Variants in CCDC197 observed in about 807,000 individuals in gnomAD.
The protein encoded by CCDC197 is coiled-coil domain containing 197.
In CCDC197, 24 loss-of-function variants were observed where a neutral mutation model predicts 13.4. The observed-to-expected ratio is 1.80, with a 90% confidence interval of 1.30 to 2.53. The LOEUF (loss-of-function observed/expected upper bound fraction) is 2.53. Ranked by LOEUF, CCDC197 falls within the 30% of genes most tolerant of loss-of-function variation. CCDC197 has a pLI of 0.00. For missense variants in CCDC197, 255 were observed against 148.8 expected, an observed-to-expected ratio of 1.71 and a Z score of -3.71; for synonymous variants, 99 against 55.5, an observed-to-expected ratio of 1.78 and a Z score of -3.48.
chr14:93,993,627 A>G (rs1890241857), upstream of CCDC197, among the ~76,000 whole-genome samples: 1 of 152,212 alleles, frequency 6.6e-6, no homozygotes, highest in East Asian at 1.9e-4. Context: ...TGTAGAGCAG[A>G]TGGGGTGAAT....
intron 4 of CCDC197, 37 bp downstream of exon 4, chr14:94,001,360 C>T: frequency 1.4e-6 from 1 of 711,336 alleles, no homozygotes; most frequent in Non-Finnish European, 2.6e-6. Context: ...TTCCCCGTGG[C>T]CCAGGGAGCT....
intron 1 of CCDC197, among the ~76,000 whole-genome samples, chr14:93,990,386 C>T (rs968704233): frequency 4.6e-5 from 7 of 152,158 alleles, no homozygotes; most frequent in South Asian, 2.1e-4. Flanking sequence ...CCTCGTTAGC[C>T]GTGTTCTCCT....
At chr14:93,991,160 G>A (rs867561410) in intron 1 of CCDC197, among the ~76,000 whole-genome samples, 1 of 152,196 alleles carries the variant, frequency 6.6e-6, no homozygotes, top group Non-Finnish European at 1.5e-5. Context: ...AGGGGACACC[G>A]GAAGAAACTT....
chr14:94,008,068 G>A (rs1319916305), intron 6 of CCDC197, among the ~76,000 whole-genome samples: 1 of 152,152 alleles, frequency 6.6e-6, no homozygotes, highest in East Asian at 1.9e-4. Context: ...TGTCTAAATA[G>A]TCACAGTGTA....
At chr14:93,997,021 C>G (rs1890335942), upstream of CCDC197, among the ~76,000 whole-genome samples, 1 of 152,214 alleles carries the variant, frequency 6.6e-6, no homozygotes. Context: ...AGGGAGAGTC[C>G]CGGGACAGGT....
upstream of CCDC197, among the ~76,000 whole-genome samples, chr14:93,992,617 G>A (rs1369022027): frequency 1.3e-5 from 2 of 152,196 alleles, no homozygotes; most frequent in African/African-American, 4.8e-5. Flanking sequence ...TTCCAGGGAG[G>A]TGAGGGGTGG....
At chr14:93,996,098 G>A (rs1890291325), upstream of CCDC197, among the ~76,000 whole-genome samples, 1 of 152,098 alleles carries the variant, frequency 6.6e-6, no homozygotes, top group Admixed American at 6.5e-5. Context: ...CTGACTCTGG[G>A]GGACTCCCCC....
chr14:93,992,757 C>T (rs558782302), upstream of CCDC197, among the ~76,000 whole-genome samples: 15 of 152,240 alleles, frequency 9.9e-5, no homozygotes, highest in Non-Finnish European at 2.1e-4. Context: ...GACAGCCTTA[C>T]AGTGTCCTAG....
chr14:93,994,897 C>T (rs1890255817), upstream of CCDC197, among the ~76,000 whole-genome samples: 1 of 152,168 alleles, frequency 6.6e-6, no homozygotes, highest in South Asian at 2.1e-4. Flanking sequence ...TGTGGGACCC[C>T]CTATCCATCA....
intron 3 of CCDC197, among the ~76,000 whole-genome samples, chr14:94,000,152 G>C (rs1265398309): frequency 6.6e-6 from 1 of 152,086 alleles, no homozygotes; most frequent in Non-Finnish European, 1.5e-5. Context: ...AAAAGGGAAG[G>C]GGAGTCACAC....
chr14:93,999,470 C>T (rs1023863908), intron 2 of CCDC197, 113 bp from the exon 3 acceptor site: 10 of 701,826 alleles, frequency 1.4e-5, no homozygotes, highest in African/African-American at 5.3e-5. Flanking sequence ...GGTACGTGGC[C>T]GGCCCAGTGC....
intron 4 of CCDC197, among the ~76,000 whole-genome samples, chr14:94,002,636 C>T (rs1257315719): frequency 6.6e-6 from 1 of 151,986 alleles, no homozygotes; most frequent in Non-Finnish European, 1.5e-5. Context: ...GCAGATCATT[C>T]GAGGTCAGGA....
At chr14:93,989,689 A>T (rs1890173217) in intron 1 of CCDC197, among the ~76,000 whole-genome samples, 1 of 152,030 alleles carries the variant, frequency 6.6e-6, no homozygotes, top group African/African-American at 2.4e-5. Flanking sequence ...CAAGATCAAG[A>T]CTCATTCTTA....
intron 2 of CCDC197, 184 bp from the exon 3 acceptor site, chr14:93,999,399 G>C: frequency 3.5e-6 from 2 of 579,550 alleles, no homozygotes; most frequent in Non-Finnish European, 6.1e-6. Flanking sequence ...TTGTGGCTCA[G>C]TTTGCTCAGC....
At chr14:93,994,575 G>C (rs1890252883), upstream of CCDC197, among the ~76,000 whole-genome samples, 1 of 152,214 alleles carries the variant, frequency 6.6e-6, no homozygotes, top group Non-Finnish European at 1.5e-5. Flanking sequence ...TCCCAGCCTT[G>C]TCTGTGTGTT....
At chr14:94,006,432 T>C (rs1176032360) in intron 6 of CCDC197, among the ~76,000 whole-genome samples, 1 of 151,960 alleles carries the variant, frequency 6.6e-6, no homozygotes, top group Non-Finnish European at 1.5e-5. Flanking sequence ...CTCGGCTCAC[T>C]GCAACCTCTG....
upstream of CCDC197, among the ~76,000 whole-genome samples, chr14:93,993,398 C>T (rs1206481923): frequency 3.3e-5 from 5 of 152,336 alleles, no homozygotes; most frequent in African/African-American, 9.6e-5. Flanking sequence ...TCTACAAAAA[C>T]GAGAAGATGC....
intron 1 of CCDC197, among the ~76,000 whole-genome samples, chr14:93,989,092 G>A (rs574896105): frequency 6.6e-6 from 1 of 152,124 alleles, no homozygotes; most frequent in African/African-American, 2.4e-5. Flanking sequence ...GTGAGAGAGG[G>A]CAGGGGAGTC....
chr14:93,992,082 C>A (rs535094242), intron 1 of CCDC197, among the ~76,000 whole-genome samples: 1 of 152,202 alleles, frequency 6.6e-6, no homozygotes, highest in African/African-American at 2.4e-5. Context: ...CGGATTGACA[C>A]CACAGAAACT....
Sources: allele counts gnomAD v4.1 joint callset (sites outside exome capture counted in the v4.1 genomes callset), GRCh38; gene constraint gnomAD v4.1.1; transcripts MANE v1.5; gene names NCBI Gene and HGNC (gene_info 2026-07-23, HGNC 2026-07-21).